Variants in RTN4 observed in about 807,000 individuals in gnomAD.
RTN4 encodes the protein reticulon 4, also known as reticulon-4.
In RTN4, 32 loss-of-function variants were observed where a neutral mutation model predicts 90.4. The ratio of observed to expected loss-of-function variants is 0.35; its 90% CI spans 0.27 to 0.48. The LOEUF (loss-of-function observed/expected upper bound fraction) is 0.48. RTN4 is among the 20% of genes least tolerant of loss of function. The probability of loss-of-function intolerance (pLI) is 0.99; values close to 1 mark genes in which losing one functional copy is unlikely to be tolerated. For missense variants in RTN4, 1,706 were observed against 1,430.2 expected, an observed-to-expected ratio of 1.19 and a Z score of -3.11; for synonymous variants, 629 against 552.5, an observed-to-expected ratio of 1.14 and a Z score of -1.94.
At chr2:55,133,722 C>G in the RTN4 span, among the ~76,000 whole-genome samples, 2 of 152,112 alleles carry the variant, frequency 1.3e-5, no homozygotes, top group African/African-American at 4.8e-5. Flanking sequence ...CTTAACATAG[C>G]CCCTGCCAGA....
chr2:54,978,460 G>C (rs532168885), intron 5 of RTN4, among the ~76,000 whole-genome samples: 3 of 146,820 alleles, frequency 2.0e-5, no homozygotes, highest in South Asian at 2.1e-4. Context: ...AAAAGAGCTA[G>C]TGATAATTGT....
At chr2:55,089,465 T>G (rs1668899473) in intron 1 of RTN4, among the ~76,000 whole-genome samples, 1 of 152,200 alleles carries the variant, frequency 6.6e-6, no homozygotes, top group African/African-American at 2.4e-5. Context: ...TACAGTTCTT[T>G]CTAGGCACAT....
chr2:55,039,310 G>A (rs988502908), intron 1 of RTN4, among the ~76,000 whole-genome samples: 2 of 152,088 alleles, frequency 1.3e-5, no homozygotes, highest in Admixed American at 1.3e-4. Flanking sequence ...AAGGTGTATG[G>A]GCATTCTTCA....
At chr2:55,089,462 C>A (rs1056108215) in intron 1 of RTN4, among the ~76,000 whole-genome samples, 10 of 152,176 alleles carry the variant, frequency 6.6e-5, no homozygotes, top group African/African-American at 2.4e-4. Context: ...TTCTACAGTT[C>A]TTTCTAGGCA....
intron 3 of RTN4, among the ~76,000 whole-genome samples, chr2:55,006,173 G>A (rs1271810530): frequency 6.6e-6 from 1 of 152,096 alleles, no homozygotes; most frequent in Non-Finnish European, 1.5e-5. Context: ...TATTCTCTAT[G>A]CGATGTGAGT....
At chr2:54,994,371 A>G (rs538439683) in intron 3 of RTN4, among the ~76,000 whole-genome samples, 2 of 152,348 alleles carry the variant, frequency 1.3e-5, no homozygotes, top group African/African-American at 2.4e-5. Flanking sequence ...TATAAAAAAG[A>G]TTATACACCA....
chr2:55,043,615 G>T (rs1683216423), intron 1 of RTN4, among the ~76,000 whole-genome samples: 1 of 152,174 alleles, frequency 6.6e-6, no homozygotes, highest in Non-Finnish European at 1.5e-5. Flanking sequence ...GCTGGGAGCA[G>T]TGGCTCACAC....
At chr2:55,003,431 C>T (rs1021210660) in intron 3 of RTN4, among the ~76,000 whole-genome samples, 14 of 151,976 alleles carry the variant, frequency 9.2e-5, no homozygotes, top group African/African-American at 3.4e-4. Context: ...TAAGGGGCAG[C>T]TGAATCAAAC....
intron 3 of RTN4, among the ~76,000 whole-genome samples, chr2:55,006,716 A>T (rs1680253296): frequency 6.6e-6 from 1 of 152,138 alleles, no homozygotes; most frequent in East Asian, 1.9e-4. Context: ...TACTTTTAAA[A>T]TTTAACAAGA....
intron 1 of RTN4, among the ~76,000 whole-genome samples, chr2:55,107,689 G>A (rs1667967525): frequency 6.6e-6 from 1 of 152,026 alleles, no homozygotes; most frequent in Non-Finnish European, 1.5e-5. Context: ...GTAGATAAAG[G>A]GTGCCCTGGG....
the RTN4 span, among the ~76,000 whole-genome samples, chr2:55,121,202 T>G: frequency 2.2e-3 from 330 of 152,312 alleles, 2 homozygotes; most frequent in Non-Finnish European, 3.5e-3. Flanking sequence ...GACCAATGAA[T>G]GAGACAGTCA....
At chr2:55,022,811 C>A (rs1210942197) in intron 3 of RTN4, among the ~76,000 whole-genome samples, 1 of 151,876 alleles carries the variant, frequency 6.6e-6, no homozygotes, top group Non-Finnish European at 1.5e-5. Context: ...TCTGACTACA[C>A]AGTAGGCCTT....
intron 3 of RTN4, chr2:55,010,197 A>G: frequency 6.2e-7 from 1 of 1,601,186 alleles, no homozygotes; most frequent in Non-Finnish European, 8.5e-7. Flanking sequence ...GCACAAACCT[A>G]CTCCCTGAGA....
chr2:55,074,536 A>AT (rs1279313953), intron 2 of RTN4, among the ~76,000 whole-genome samples: 2 of 150,928 alleles, frequency 1.3e-5, no homozygotes, highest in Non-Finnish European at 1.5e-5. Flanking sequence ...AAAAAAAAAA[A>AT]GAAAATATGG....
rs1437683132 is a variant in RTN4 at position 54,988,926 on chromosome 2, A to G, written c.3014-1228T>C. Among the ~76,000 whole-genome samples, 4 of 152,334 alleles carry G rather than the reference A, an allele frequency of 2.6e-5. No individual in the cohort carries two copies. In the South Asian group the frequency reaches 6.2e-4, roughly 24 times the overall value. ...TGTGCCAAAGTGCTCTTGAATTCAT[A>G]GGCTGATGTAATTAATCTCTCTCTG... is the stretch of plus-strand genomic sequence containing the variant. On this transcript the variant is annotated intron_variant, in intron 3 of 8. Transcript: ENST00000337526.
chr2:55,086,875 G>A (rs1474418752), intron 1 of RTN4, among the ~76,000 whole-genome samples: 1 of 148,436 alleles, frequency 6.7e-6, no homozygotes, highest in Non-Finnish European at 1.5e-5. Flanking sequence ...TCTCAGAATG[G>A]TCTCAGACTC....
chr2:55,057,977 T>C (rs756897641), intron 2 of RTN4, among the ~76,000 whole-genome samples: 8 of 152,104 alleles, frequency 5.3e-5, no homozygotes, highest in Non-Finnish European at 8.8e-5. Flanking sequence ...AGCAAAATCC[T>C]ATCTCAAAAA....
intron 5 of RTN4, 79 bp from the exon 6 acceptor site, chr2:54,974,843 C>G (rs1041236288): frequency 2.4e-5 from 28 of 1,172,844 alleles, no homozygotes; most frequent in Non-Finnish European, 3.6e-5. Flanking sequence ...AGCATCCCAT[C>G]TAAATGCCTA....
In RTN4 at chr2:55,025,297, G is replaced by C. The variant is rs200009407; in HGVS notation, c.2802C>G (p.Phe934Leu). ...ACCCATTTTTAGAAAAGTCATCTGA[G>C]AAACTGATTTTCTCTTCAACTTTGG... Reference protein sequence around the residue: ...IQPKVEEKISFSDDFSKNGSA... With the variant: ...IQPKVEEKISLSDDFSKNGSA... Residue 934 changes from phenylalanine (F) to leucine (L), a missense_variant, in exon 3 of 9, where the codon TTC becomes TTG. Phe to Leu is a conservative substitution (Grantham distance 22). Coordinates refer to ENST00000337526, the MANE Select transcript of RTN4 (RefSeq NM_020532.5). 2 of 1,613,922 alleles carry C rather than the reference G, an allele frequency of 1.2e-6. No homozygotes were observed. Among genetic ancestry groups the C allele is most frequent in the African/African-American group, 1.3e-5 (1 of 75,022 alleles).
Sources: allele counts gnomAD v4.1 joint callset (sites outside exome capture counted in the v4.1 genomes callset), GRCh38; gene constraint gnomAD v4.1.1; transcripts MANE v1.5; gene names NCBI Gene and HGNC (gene_info 2026-07-23, HGNC 2026-07-21).